Variants in RIN3 observed in about 807,000 individuals in gnomAD.
RIN3 encodes the protein Ras and Rab interactor 3, also known as RAB5 interacting protein 3.
Under a neutral mutation model 76.3 loss-of-function variants are expected in RIN3, and 54 were observed. The ratio of observed to expected loss-of-function variants is 0.71; its 90% CI spans 0.57 to 0.89. The LOEUF (loss-of-function observed/expected upper bound fraction) is 0.89. RIN3 is among the 40% of genes least tolerant of loss of function. The pLI is 0.00. For synonymous variants in RIN3, 576 were observed against 564.0 expected (o/e 1.02, Z -0.30); for missense variants, 1,256 against 1,322.1 (o/e 0.95, Z 0.78).
chr14:92,639,343 G>T (rs1476476493), intron 4 of RIN3, among the ~76,000 whole-genome samples: 2 of 152,194 alleles, frequency 1.3e-5, no homozygotes, highest in Non-Finnish European at 2.9e-5. Flanking sequence ...GGTGGACGAA[G>T]TGTGAGCAAG....
chr14:92,517,260 T>G (rs1896467074), intron 1 of RIN3, among the ~76,000 whole-genome samples: 1 of 152,132 alleles, frequency 6.6e-6, no homozygotes, highest in South Asian at 2.1e-4. Context: ...GAGTGCACCC[T>G]TCAAAACCCA....
chr14:92,528,485 G>A (rs754695809), intron 1 of RIN3, among the ~76,000 whole-genome samples: 10 of 152,188 alleles, frequency 6.6e-5, no homozygotes, highest in South Asian at 2.1e-4. Context: ...AGTCAAGAAC[G>A]TAGTAGGCGT....
intron 5 of RIN3, among the ~76,000 whole-genome samples, chr14:92,649,436 C>T (rs577474664): frequency 6.6e-6 from 1 of 152,074 alleles, no homozygotes; most frequent in South Asian, 2.1e-4. Flanking sequence ...ACACTCACTC[C>T]AGGGGCCTGT....
intron 4 of RIN3, among the ~76,000 whole-genome samples, chr14:92,637,425 G>A (rs774965595): frequency 6.6e-6 from 1 of 152,148 alleles, no homozygotes; most frequent in Non-Finnish European, 1.5e-5. Context: ...CAGCTGTCAA[G>A]ACAGATGAAG....
chr14:92,534,605 A>C (rs568794042), intron 1 of RIN3, among the ~76,000 whole-genome samples: 99 of 136,896 alleles, frequency 7.2e-4, no homozygotes, highest in Middle Eastern at 7.0e-3. Flanking sequence ...AAAAACAAAA[A>C]GAAAGAAAGA....
intron 4 of RIN3, among the ~76,000 whole-genome samples, chr14:92,628,765 A>G (rs919308256): frequency 1.3e-5 from 2 of 152,180 alleles, no homozygotes; most frequent in Non-Finnish European, 2.9e-5. Flanking sequence ...TGCCACATGT[A>G]GGGATCAGGG....
At chr14:92,535,828 C>G (rs947392525) in intron 1 of RIN3, among the ~76,000 whole-genome samples, 18 of 145,968 alleles carry the variant, frequency 1.2e-4, no homozygotes, top group African/African-American at 4.6e-4. Flanking sequence ...GCATGTGCCA[C>G]CACGCCTGGC....
In RIN3 at chr14:92,601,935, C is replaced by T. The variant is rs543058156; in HGVS notation, c.368-13472C>T. Among the ~76,000 whole-genome samples, 3 of 152,344 alleles carry T rather than the reference C, an allele frequency of 2.0e-5. No individual in the cohort carries two copies. The South Asian group carries it at 6.2e-4, about 32-fold the overall frequency. On this transcript the variant is annotated intron_variant, in intron 3 of 9. Transcript: ENST00000216487. ...ACAGTTTGTATGCTTGCACTGTATT[C>T]CTTTTCTCAGACTTTTAGAAAGCCT...
intron 2 of RIN3, among the ~76,000 whole-genome samples, chr14:92,557,135 C>A (rs183783774): frequency 3.9e-5 from 6 of 152,212 alleles, no homozygotes; most frequent in African/African-American, 1.4e-4. Context: ...ATTCACGTAG[C>A]GGCAAGCATT....
At position 92,592,981 on chromosome 14, in the gene RIN3, G is replaced by GT. The variant is rs554732055; in HGVS notation, c.367+15514dup. ...GAGCCACCATACCCAGCCAAAATTTGTTTTTTTTTTCCTGAATATTTTCAA... is the reference window on the plus strand; with the variant it reads ...GAGCCACCATACCCAGCCAAAATTTGTTTTTTTTTTTCCTGAATATTTTCAA... On this transcript the variant is annotated intron_variant, in intron 3 of 9. Transcript: ENST00000216487. 3.8e-4 allele frequency among the ~76,000 whole-genome samples: 56 copies of GT among 147,540 alleles called. 1 individual carries two copies. The highest frequency in any genetic ancestry group is 5.9e-4 in the East Asian group (3 of 5,072).
chr14:92,545,500 TC>T (rs1171438209), intron 1 of RIN3, among the ~76,000 whole-genome samples: 1 of 152,012 alleles, frequency 6.6e-6, no homozygotes, highest in Non-Finnish European at 1.5e-5. Flanking sequence ...TTCGCCAGAT[TC>T]ATCAATTATT....
At chr14:92,521,487 G>A (rs960868217) in intron 1 of RIN3, among the ~76,000 whole-genome samples, 2 of 152,198 alleles carry the variant, frequency 1.3e-5, no homozygotes, top group African/African-American at 4.8e-5. Flanking sequence ...ATGACTTGGT[G>A]CCATCCTCAC....
chr14:92,600,710 C>G (rs1181340686), intron 3 of RIN3, among the ~76,000 whole-genome samples: 1 of 152,232 alleles, frequency 6.6e-6, no homozygotes, highest in South Asian at 2.1e-4. Flanking sequence ...TGCCGGTTCA[C>G]TCAAGGAGCA....
chr14:92,659,069 G>A (rs139772111), intron 6 of RIN3, 92 bp from the exon 7 acceptor site: 75 of 1,216,188 alleles, frequency 6.2e-5, no homozygotes, highest in Non-Finnish European at 8.4e-5. Context: ...AGGGGCCAGG[G>A]GATGGGGATG....
intron 6 of RIN3, 41 bp downstream of exon 6, chr14:92,653,116 T>C (rs753250199): frequency 2.6e-6 from 4 of 1,559,710 alleles, no homozygotes; most frequent in Admixed American, 1.8e-5. Context: ...GAGAGGGCGG[T>C]GGGGCTCACA....
chr14:92,678,253 ACCACCCAC>A (rs997252475), intron 8 of RIN3, among the ~76,000 whole-genome samples: 21 of 136,384 alleles, frequency 1.5e-4, no homozygotes, highest in African/African-American at 5.3e-4. Flanking sequence ...CATCCACCTA[ACCACCCAC>A]CCATCCATCC....
rs755746002 is a variant in RIN3, at chr14:92,641,273, C to A, written c.476C>A (p.Ala159Asp). The change falls in exon 5 of 10, where the codon GCC (alanine) becomes GAC (aspartate). Residue 159 changes from alanine (A) to aspartate (D), a missense_variant. Around this residue, in one of 3 missense-constraint regions of RIN3, gnomAD observed 610 missense variants for 626.4 expected, o/e 0.97. Transcript: ENST00000216487. Reference protein sequence around the residue: ...LLPFTLRLPQAILEASSFTDL... With the variant: ...LLPFTLRLPQDILEASSFTDL... ...CCCTTCACACTGCGGCTACCCCAGG[C>A]CATCCTTGAGGCCAGCAGCTTCACG... 12 of 1,614,148 alleles carry A rather than the reference C, an allele frequency of 7.4e-6. No homozygotes were observed. Among genetic ancestry groups the A allele is most frequent in the Non-Finnish European group, 1.0e-5 (12 of 1,179,972 alleles).
Position 92,615,375 on chromosome 14 carries a change from C to T in RIN3, c.368-32C>T, listed in dbSNP as rs182642537. The T allele has an allele frequency of 3.7e-4, 592 of 1,600,664 alleles. 2 individuals are homozygous for T. In the East Asian group the frequency reaches 7.1e-3, roughly 19 times the overall value. On this transcript the variant is annotated intron_variant, in intron 3 of 9. Transcript: ENST00000216487. ...CCCATTTTCCTTGGCAGGATACTCA[C>T]CTCACCCAGGGCCCTTCTTGTGTCT...
chr14:92,576,432 T>C, intron 2 of RIN3: 1 of 1,285,640 alleles, frequency 7.8e-7, no homozygotes, highest in Non-Finnish European at 1.0e-6. Context: ...CCTAGAGCCA[T>C]GGTTTTATCA....
Sources: allele counts gnomAD v4.1 joint callset (sites outside exome capture counted in the v4.1 genomes callset), GRCh38; gene constraint gnomAD v4.1.1; regional missense constraint gnomAD v4.1.1; transcripts MANE v1.5; gene names NCBI Gene and HGNC (gene_info 2026-07-23, HGNC 2026-07-21).